ANKFY1: variants seen among roughly 807,000 people sequenced by gnomAD.
ANKFY1 encodes ankyrin repeat and FYVE domain containing 1.
Under a neutral mutation model 128.3 loss-of-function variants are expected in ANKFY1, and 47 were observed. The observed-to-expected ratio is 0.37, with a 90% CI of 0.29 to 0.47. ANKFY1 has a LOEUF of 0.47. ANKFY1 is among the 20% of genes least tolerant of loss of function. ANKFY1 has a pLI of 1.00. For synonymous variants in ANKFY1, 553 were observed against 601.6 expected, an observed-to-expected ratio of 0.92 and a Z score of 1.18; for missense variants, 1,222 against 1,510.6, an observed-to-expected ratio of 0.81 and a Z score of 3.17.
At chr17:4,194,079 G>A (rs954896695) in intron 10 of ANKFY1, among the ~76,000 whole-genome samples, 6 of 126,756 alleles carry the variant, frequency 4.7e-5, no homozygotes, top group African/African-American at 1.7e-4. Flanking sequence ...GAGCTACCAC[G>A]CCCGGCCATA....
chr17:4,172,775 A>C, intron 21 of ANKFY1, 95 bp from the exon 22 acceptor site: 1 of 1,479,788 alleles, frequency 6.8e-7, no homozygotes. Flanking sequence ...TGGTGGATAA[A>C]TCTAAAAGAC....
At chr17:4,229,447 A>C (rs980678717) in intron 3 of ANKFY1, among the ~76,000 whole-genome samples, 28 of 152,276 alleles carry the variant, frequency 1.8e-4, no homozygotes, top group African/African-American at 6.7e-4. Context: ...AAAATGAGAT[A>C]AAAGATAGTA....
intron 3 of ANKFY1, among the ~76,000 whole-genome samples, chr17:4,221,808 G>A (rs888173138): frequency 7.9e-5 from 12 of 151,958 alleles, no homozygotes; most frequent in Non-Finnish European, 1.8e-4. Context: ...GTAGAGATGA[G>A]GTTTCGCCAT....
chr17:4,251,390 G>T (rs1200254181), intron 1 of ANKFY1, among the ~76,000 whole-genome samples: 1 of 151,880 alleles, frequency 6.6e-6, no homozygotes, highest in African/African-American at 2.4e-5. Context: ...AAAGCACTAT[G>T]ATCACATCTG....
intron 19 of ANKFY1, 46 bp downstream of exon 19, chr17:4,177,080 T>C (rs958492919): frequency 2.0e-6 from 3 of 1,489,266 alleles, no homozygotes; most frequent in Non-Finnish European, 2.7e-6. Context: ...CTCTACAATA[T>C]GCTTTGACAA....
At chr17:4,257,084 C>T (rs1374832098) in intron 1 of ANKFY1, among the ~76,000 whole-genome samples, 1 of 152,192 alleles carries the variant, frequency 6.6e-6, no homozygotes, top group African/African-American at 2.4e-5. Context: ...TCTATTCCTC[C>T]TCTACCTCTT....
At position 4,234,028 on chromosome 17, in the gene ANKFY1, G is replaced by A. The variant is rs547495617; in HGVS notation, c.322+1744C>T. Among the ~76,000 whole-genome samples the A allele has an allele frequency of 5.3e-5, 8 of 152,314 alleles. No individual in the cohort carries two copies. In the East Asian group the frequency reaches 9.6e-4, roughly 18 times the overall value. On this transcript the variant is annotated intron_variant, in intron 3 of 24. Transcript: ENST00000341657. The stretch of plus-strand genomic sequence containing the variant: ...CTTTTACTGAACTTTTCTATGTTTA[G>A]ATATACAGATACTTACCACTGTGTT...
intron 6 of ANKFY1, among the ~76,000 whole-genome samples, chr17:4,207,206 A>G (rs1384049695): frequency 2.0e-5 from 3 of 152,038 alleles, no homozygotes; most frequent in Non-Finnish European, 2.9e-5. Context: ...GGCCCGATCT[A>G]TCTAACCACA....
Position 4,189,489 on chromosome 17 carries a change from A to C in ANKFY1, c.1373-10T>G. ...TGTAGTAAACAGTTTCCTAAAAGAA[A>C]ATGGGCATTGCTGATTCTTCTGTTT... On this transcript the variant is annotated splice_polypyrimidine_tract_variant and intron_variant, in intron 10 of 24. Transcript: ENST00000341657. 6.4e-7 allele frequency: 1 copy of C among 1,567,652 alleles called. No individual in the cohort carries two copies. The highest frequency in any genetic ancestry group is 8.7e-7 in the Non-Finnish European group (1 of 1,152,764).
intron 1 of ANKFY1, among the ~76,000 whole-genome samples, chr17:4,252,545 G>A (rs181139662): frequency 6.6e-6 from 1 of 151,940 alleles, no homozygotes; most frequent in East Asian, 1.9e-4. Context: ...CCCCAGCCTG[G>A]GTAACAAAAA....
In ANKFY1 at chr17:4,219,454, A is replaced by C. The variant is rs147255590; in HGVS notation, c.323-2336T>G. 8.1e-4 allele frequency among the ~76,000 whole-genome samples: 124 copies of C among 152,330 alleles called. 1 individual carries two copies. The highest frequency in any genetic ancestry group is 2.0e-3 in the Admixed American group (30 of 15,300). ...CAGCACATGTCCTAACAAGTCCTCT[A>C]TGTGATTCTGATGCTCACTAAGGTT... On this transcript the variant is annotated intron_variant, in intron 3 of 24. Coordinates refer to ENST00000341657, the MANE Select transcript of ANKFY1 (RefSeq NM_001330063.2).
At chr17:4,218,583 T>C (rs1166338477) in intron 3 of ANKFY1, among the ~76,000 whole-genome samples, 1 of 152,122 alleles carries the variant, frequency 6.6e-6, no homozygotes, top group Non-Finnish European at 1.5e-5. Context: ...CCTCTGTCTT[T>C]ACAAAAATTC....
intron 1 of ANKFY1, among the ~76,000 whole-genome samples, chr17:4,246,077 G>A (rs935362821): frequency 7.8e-4 from 119 of 151,938 alleles, no homozygotes; most frequent in African/African-American, 2.7e-3. Flanking sequence ...AACAACCAAA[G>A]AAAAAAAATT....
In ANKFY1 at chr17:4,209,891, T is replaced by C. The variant is rs1209616117; in HGVS notation, c.515A>G (p.Gln172Arg). The change falls in exon 5 of 25, where the codon CAG (glutamine) becomes CGG (arginine). Residue 172 changes from glutamine (Q) to arginine (R), a missense_variant. Gln to Arg is a conservative substitution (Grantham distance 43). Transcript: ENST00000341657. The part of the protein sequence containing the change: ...VNVRNCIRFY[Q>R]TAEELNASTL... Reference sequence around the variant, plus strand: ...GCTGGCATTCAGCTCCTCTGCCGTCTGGTAGAAGCGAATACAGTTCCTGAC... The same window carrying C: ...GCTGGCATTCAGCTCCTCTGCCGTCCGGTAGAAGCGAATACAGTTCCTGAC... The C allele has an allele frequency of 3.1e-6, 5 of 1,613,914 alleles. No homozygotes were observed. The highest frequency in any genetic ancestry group is 1.7e-5 in the Admixed American group (1 of 60,002).
intron 1 of ANKFY1, among the ~76,000 whole-genome samples, chr17:4,244,861 C>T (rs112042428): frequency 4.9e-4 from 74 of 152,134 alleles, no homozygotes; most frequent in Non-Finnish European, 8.5e-4. Flanking sequence ...AGTCAGCATA[C>T]GAGCCAGTTT....
rs770978125 is a variant in ANKFY1, at chr17:4,206,476, T to A, written c.743A>T (p.Lys248Met). Residue 248 changes from lysine (K) to methionine (M), a missense_variant, in exon 7 of 25, where the codon AAG (lysine) becomes ATG (methionine). Transcript: ENST00000341657. ...TCCGTTATGATCCGCTTCATTCAGCTTCCCAGGGAGCTACACAAACAAGTT... is the reference window on the plus strand; with the variant it reads ...TCCGTTATGATCCGCTTCATTCAGCATCCCAGGGAGCTACACAAACAAGTT... ...LIEMDSQLPG[K>M]LNEADHNGDL... 6.2e-7 allele frequency: 1 copy of A among 1,612,130 alleles called. No homozygotes were observed. The highest frequency in any genetic ancestry group is 2.2e-5 in the East Asian group (1 of 44,784).
At chr17:4,194,536 C>T (rs2059782591) in intron 10 of ANKFY1, 1 of 150,146 alleles carries the variant, frequency 6.7e-6, no homozygotes, top group African/African-American at 2.6e-5. Flanking sequence ...TGCCAGTACT[C>T]AATACTGAAT....
chr17:4,222,813 A>T, intron 3 of ANKFY1: 1 of 982,586 alleles, frequency 1.0e-6, no homozygotes, highest in South Asian at 1.3e-5. Context: ...TGACAGCATT[A>T]GTGCCAGCAG....
In ANKFY1 at chr17:4,167,944, G is replaced by A. The variant is rs768182811; in HGVS notation, c.3378-33C>T. The stretch of plus-strand genomic sequence containing the variant: ...AGCAAAGAAAGGAAGTATGAGAGGA[G>A]CGCCAACGACAGACTCTGCTTCCTG... On this transcript the variant is annotated intron_variant, in intron 24 of 24. Transcript: ENST00000341657. The surrounding 1 kb of genome is among the most constrained non-coding windows in gnomAD (Gnocchi z 4.1). The A allele has an allele frequency of 6.2e-7, 1 of 1,603,208 alleles. No individual in the cohort carries two copies. Among genetic ancestry groups the A allele is most frequent in the Non-Finnish European group, 8.5e-7 (1 of 1,173,522 alleles).
Sources: allele counts gnomAD v4.1 joint callset (sites outside exome capture counted in the v4.1 genomes callset), GRCh38; gene constraint gnomAD v4.1.1; non-coding constraint Gnocchi (gnomAD v3.1); transcripts MANE v1.5; gene names NCBI Gene and HGNC (gene_info 2026-07-23, HGNC 2026-07-21).